Variants in C4orf36 observed in about 807,000 individuals in gnomAD.
The protein encoded by C4orf36 is uncharacterized protein C4orf36.
Under a neutral mutation model 12.2 loss-of-function variants are expected in C4orf36, and 11 were observed. The ratio of observed to expected loss-of-function variants is 0.90; its 90% CI spans 0.57 to 1.49. The LOEUF (loss-of-function observed/expected upper bound fraction) is 1.49. Among genes scored for constraint, C4orf36 ranks in the 40% most tolerant of loss-of-function variants. The pLI, the probability that C4orf36 is intolerant of heterozygous loss-of-function variation, is 0.00. For missense variants in C4orf36, 137 were observed against 133.9 expected (o/e 1.02, Z -0.11); for synonymous variants, 54 against 51.3 (o/e 1.05, Z -0.22).
chr4:86,917,688 C>T, the C4orf36 span, among the ~76,000 whole-genome samples: 2 of 152,120 alleles, frequency 1.3e-5, no homozygotes, highest in East Asian at 3.8e-4. Flanking sequence ...CACATAAAAA[C>T]AAGAATACCT....
intron 4 of C4orf36, among the ~76,000 whole-genome samples, chr4:86,884,757 T>G (rs1362067724): frequency 6.6e-6 from 1 of 152,258 alleles, no homozygotes; most frequent in Non-Finnish European, 1.5e-5. Context: ...TTTGGTGTTT[T>G]AGACATGAAG....
At chr4:86,908,168 TACACACACACACACACACACACACAC>T in the C4orf36 span, among the ~76,000 whole-genome samples, 5 of 140,882 alleles carry the variant, frequency 3.5e-5, no homozygotes, top group Non-Finnish European at 7.6e-5. Context: ...ACTTTCAACA[TACACACACACACACACACACACACAC>T]ACACACACAC....
intron 4 of C4orf36, among the ~76,000 whole-genome samples, chr4:86,877,494 T>C (rs1297233290): frequency 6.6e-6 from 1 of 152,224 alleles, no homozygotes; most frequent in African/African-American, 2.4e-5. Context: ...CAGAGCACAC[T>C]GGAATTTTAT....
At chr4:86,917,708 T>C in the C4orf36 span, among the ~76,000 whole-genome samples, 2 of 152,046 alleles carry the variant, frequency 1.3e-5, no homozygotes, top group African/African-American at 2.4e-5. Context: ...TTCTAAGAAG[T>C]GTGTTGTTAG....
At chr4:86,895,341 C>T (rs1408137493), upstream of C4orf36, among the ~76,000 whole-genome samples, 29 of 152,068 alleles carry the variant, frequency 1.9e-4, 1 homozygote, top group Admixed American at 1.8e-3. Context: ...ATTATTTCCT[C>T]ATTTTAAGCT....
chr4:86,876,463 A>T lies in C4orf36; in HGVS notation c.*3-20T>A. The T allele has an allele frequency of 6.2e-7, 1 of 1,613,490 alleles. No individual in the cohort carries two copies. Among genetic ancestry groups the T allele is most frequent in the Non-Finnish European group, 8.5e-7 (1 of 1,179,598 alleles). On this transcript the variant is annotated intron_variant, in intron 4 of 4. Coordinates refer to ENST00000295898, the MANE Select transcript of C4orf36 (RefSeq NM_144645.4). ...TTCAGGCTGCGCAAAGGAGAGGGGG[A>T]AAATAAGATTTTATTTTATCATCCA...
chr4:86,893,307 G>A (rs1747499007), upstream of C4orf36, among the ~76,000 whole-genome samples: 1 of 152,192 alleles, frequency 6.6e-6, no homozygotes, highest in African/African-American at 2.4e-5. Flanking sequence ...TGGATGGGCC[G>A]GGCGCGTGTC....
At chr4:86,909,577 C>G in the C4orf36 span, among the ~76,000 whole-genome samples, 1 of 152,116 alleles carries the variant, frequency 6.6e-6, no homozygotes, top group African/African-American at 2.4e-5. Context: ...AATTTTTTAT[C>G]AGATTTAGAT....
intron 4 of C4orf36, chr4:86,886,779 A>T (rs190768710): frequency 6.6e-6 from 1 of 152,192 alleles, no homozygotes; most frequent in African/African-American, 2.4e-5. Flanking sequence ...ACCCAAAGGA[A>T]TATAAATCAT....
the C4orf36 span, among the ~76,000 whole-genome samples, chr4:86,908,609 T>C: frequency 1.3e-5 from 2 of 151,836 alleles, no homozygotes; most frequent in African/African-American, 4.8e-5. Context: ...ACTCTCTCTC[T>C]CTCTCTCTCC....
chr4:86,900,080 G>C, the C4orf36 span, among the ~76,000 whole-genome samples: 1,838 of 151,696 alleles, frequency 0.012, 20 homozygotes, highest in Middle Eastern at 0.034. Context: ...CTGCCGCCCA[G>C]GCTGGAGTGC....
chr4:86,889,267 C>T (rs988003783), intron 2 of C4orf36, among the ~76,000 whole-genome samples: 2 of 151,244 alleles, frequency 1.3e-5, no homozygotes, highest in African/African-American at 4.9e-5. Flanking sequence ...CTGAACCCAG[C>T]TTGAACCCGA....
upstream of C4orf36, among the ~76,000 whole-genome samples, chr4:86,893,097 C>T (rs1417215920): frequency 6.6e-6 from 1 of 152,190 alleles, no homozygotes; most frequent in Non-Finnish European, 1.5e-5. Context: ...AAAGATCCTG[C>T]CCTGAGATTC....
At chr4:86,893,617 C>A (rs1747513301), upstream of C4orf36, among the ~76,000 whole-genome samples, 1 of 151,650 alleles carries the variant, frequency 6.6e-6, no homozygotes, top group Non-Finnish European at 1.5e-5. Context: ...GTAACCTTTC[C>A]ATCTGACAAG....
intron 4 of C4orf36, among the ~76,000 whole-genome samples, chr4:86,883,819 G>A (rs1207436744): frequency 6.6e-6 from 1 of 152,146 alleles, no homozygotes; most frequent in Non-Finnish European, 1.5e-5. Context: ...CTTGAGGTCA[G>A]AAGTTCGAGA....
the C4orf36 span, among the ~76,000 whole-genome samples, chr4:86,917,480 GA>G: frequency 7.4e-6 from 1 of 135,212 alleles, no homozygotes. Flanking sequence ...AAGAAATAAA[GA>G]AAAAGAAAGG....
rs762084880 is a variant in C4orf36, at chr4:86,889,476, AAC to A, written c.66-1203_66-1202del. On this transcript the variant is annotated intron_variant, in intron 2 of 4. Transcript: ENST00000295898. ...GTCGATTTGGAAAGATAAGCAATAA[AAC>A]AGTTATTGTTTACATAGCACCTACT... 5.9e-5 allele frequency among the ~76,000 whole-genome samples: 9 copies of A among 152,320 alleles called. No homozygotes were observed. The East Asian group carries it at 1.2e-3, about 20-fold the overall frequency.
At chr4:86,924,049 TTTTTC>T in the C4orf36 span, among the ~76,000 whole-genome samples, 1 of 152,266 alleles carries the variant, frequency 6.6e-6, no homozygotes, top group African/African-American at 2.4e-5. Context: ...CCCTCTCTCT[TTTTTC>T]TTTTGAGACA....
chr4:86,933,610 GATT>G, the C4orf36 span: 1 of 152,172 alleles, frequency 6.6e-6, no homozygotes, highest in Non-Finnish European at 1.5e-5. Flanking sequence ...AAAGTTTTCA[GATT>G]ATAAAATATT....
Sources: gnomAD v4.1 joint callset for allele counts (sites outside exome capture counted in the v4.1 genomes callset) on GRCh38, gnomAD v4.1.1 for gene constraint, MANE v1.5 for transcripts, NCBI Gene and HGNC (gene_info 2026-07-23, HGNC 2026-07-21) for gene names.